Variants in NALF1 observed in about 807,000 individuals in gnomAD.
NALF1 encodes the protein family with sequence similarity 155 member A.
A neutral mutation model predicts 48.4 loss-of-function variants in NALF1; 3 were observed. The observed-to-expected ratio is 0.06, with a 90% CI of 0.03 to 0.16. NALF1 has a LOEUF of 0.16. Ranked by LOEUF, NALF1 falls within the 10% of genes least tolerant of loss-of-function variation. The pLI, the probability that NALF1 is intolerant of heterozygous loss-of-function variation, is 1.00. For synonymous variants in NALF1, 262 were observed against 245.7 expected, an observed-to-expected ratio of 1.07 and a Z score of -0.62; for missense variants, 526 against 571.5, an observed-to-expected ratio of 0.92 and a Z score of 0.81.
chr13:107,592,827 A>G (rs1393598689), intron 1 of NALF1, among the ~76,000 whole-genome samples: 1 of 151,906 alleles, frequency 6.6e-6, no homozygotes, highest in African/African-American at 2.4e-5. Flanking sequence ...AAAAATAAAG[A>G]TACATAAAAA....
intron 1 of NALF1, among the ~76,000 whole-genome samples, chr13:107,802,187 GCTT>G (rs1292192851): frequency 6.6e-6 from 1 of 151,996 alleles, no homozygotes; most frequent in African/African-American, 2.4e-5. Flanking sequence ...TTTTGTAATT[GCTT>G]CATTTCAATT....
intron 2 of NALF1, among the ~76,000 whole-genome samples, chr13:107,208,884 C>T (rs9520324): frequency 0.71 from 107,118 of 151,750 alleles, 37,904 homozygotes; most frequent in East Asian, 0.76. Flanking sequence ...CCTCCTTCCT[C>T]CCCCTCCTCC....
intron 1 of NALF1, among the ~76,000 whole-genome samples, chr13:107,732,688 G>A (rs1876344382): frequency 6.6e-6 from 1 of 152,156 alleles, no homozygotes; most frequent in Admixed American, 6.6e-5. Context: ...AGAGAAGACA[G>A]GTGAATCTGT....
At chr13:107,459,932 G>C (rs972136418) in intron 1 of NALF1, among the ~76,000 whole-genome samples, 4 of 152,036 alleles carry the variant, frequency 2.6e-5, no homozygotes, top group African/African-American at 9.7e-5. Context: ...TGTAGAGATG[G>C]GGTTTCACTA....
At chr13:107,489,131 C>T (rs1309106154) in intron 1 of NALF1, among the ~76,000 whole-genome samples, 7 of 151,688 alleles carry the variant, frequency 4.6e-5, no homozygotes, top group Admixed American at 4.6e-4. Flanking sequence ...GATGAGATGA[C>T]ACAATCAAAT....
In NALF1 at chr13:107,164,394, A is replaced by C. The variant is rs1052637710; in HGVS notation, c.*6103T>G. ...ATAGTGTTAATTAAAATATATATTA[A>C]TTCAGTTTAATTAATTTTCATAATA... On this transcript the variant is annotated 3_prime_UTR_variant, in exon 3 of 3. Transcript: ENST00000375915. The C allele has an allele frequency of 9.9e-5, 15 of 152,032 alleles. No individual in the cohort carries two copies. Among genetic ancestry groups the C allele is most frequent in the African/African-American group, 3.6e-4 (15 of 41,412 alleles). 9.4% of individuals were successfully genotyped at this position (152,032 alleles called of 1,614,324 possible).
At chr13:107,637,719 G>A (rs997870142) in intron 1 of NALF1, among the ~76,000 whole-genome samples, 1 of 152,094 alleles carries the variant, frequency 6.6e-6, no homozygotes, top group African/African-American at 2.4e-5. Flanking sequence ...ATGCAAATGG[G>A]AGGGCTGAAC....
chr13:107,405,736 T>C (rs973169151), intron 1 of NALF1, among the ~76,000 whole-genome samples: 9 of 151,868 alleles, frequency 5.9e-5, no homozygotes, highest in Admixed American at 5.3e-4. Flanking sequence ...AACTATGCCA[T>C]TGAGAGGACC....
intron 1 of NALF1, among the ~76,000 whole-genome samples, chr13:107,309,894 C>T (rs373817006): frequency 8.5e-5 from 13 of 152,058 alleles, no homozygotes; most frequent in Admixed American, 2.0e-4. Flanking sequence ...TACTTGTCCT[C>T]GAAGTTTTAC....
chr13:107,781,465 C>G (rs541183064), intron 1 of NALF1, among the ~76,000 whole-genome samples: 1 of 152,064 alleles, frequency 6.6e-6, no homozygotes, highest in African/African-American at 2.4e-5. Context: ...TGCTCCCACC[C>G]CTACATATAA....
At chr13:107,452,584 C>A (rs544937131) in intron 1 of NALF1, among the ~76,000 whole-genome samples, 1 of 152,280 alleles carries the variant, frequency 6.6e-6, no homozygotes, top group Admixed American at 6.5e-5. Context: ...ATCGGGATTA[C>A]AATTCAAGAT....
chr13:107,644,366 A>C (rs1462346556), intron 1 of NALF1, among the ~76,000 whole-genome samples: 1 of 151,768 alleles, frequency 6.6e-6, no homozygotes, highest in Non-Finnish European at 1.5e-5. Flanking sequence ...CCATTTTCAC[A>C]ATAGCAACCA....
chr13:107,454,451 T>C (rs2139037791), intron 1 of NALF1, among the ~76,000 whole-genome samples: 1 of 152,184 alleles, frequency 6.6e-6, no homozygotes, highest in African/African-American at 2.4e-5. Context: ...GAGCCCCTTA[T>C]AAAACCATCA....
chr13:107,186,471 G>T (rs531953137), intron 2 of NALF1, among the ~76,000 whole-genome samples: 39 of 152,228 alleles, frequency 2.6e-4, no homozygotes, highest in Non-Finnish European at 4.7e-4. Context: ...GGGTTCAAGC[G>T]ATTCTCTTGC....
At chr13:107,487,493 T>C (rs1050076429) in intron 1 of NALF1, among the ~76,000 whole-genome samples, 7 of 152,214 alleles carry the variant, frequency 4.6e-5, no homozygotes, top group African/African-American at 1.2e-4. Context: ...AGTTATGCCA[T>C]GCACAAGACC....
chr13:107,310,671 T>TTTA (rs533798801), intron 1 of NALF1, among the ~76,000 whole-genome samples: 117 of 151,474 alleles, frequency 7.7e-4, no homozygotes, highest in Middle Eastern at 3.4e-3. Context: ...AATACAATTA[T>TTTA]TTATTATTAT....
intron 1 of NALF1, 101 bp downstream of exon 1, chr13:107,865,581 A>C: frequency 6.8e-7 from 1 of 1,481,424 alleles, no homozygotes; most frequent in East Asian, 2.3e-5. Context: ...CAAAGTAACA[A>C]AACCATAGCC....
intron 1 of NALF1, among the ~76,000 whole-genome samples, chr13:107,760,207 A>T (rs994967937): frequency 1.3e-5 from 2 of 152,132 alleles, no homozygotes; most frequent in South Asian, 2.1e-4. Flanking sequence ...TTTCAGAGGG[A>T]TATGTTTGAT....
At chr13:107,490,377 C>T (rs1351462989) in intron 1 of NALF1, among the ~76,000 whole-genome samples, 1 of 152,124 alleles carries the variant, frequency 6.6e-6, no homozygotes, top group African/African-American at 2.4e-5. Context: ...GAATACTATG[C>T]AGTCATAAAA....
Sources: allele counts gnomAD v4.1 joint callset (sites outside exome capture counted in the v4.1 genomes callset), GRCh38; gene constraint gnomAD v4.1.1; transcripts MANE v1.5; gene names NCBI Gene and HGNC (gene_info 2026-07-23, HGNC 2026-07-21).